Variants in ADGRA2 observed in about 807,000 individuals in gnomAD.
ADGRA2 encodes the protein adhesion G protein-coupled receptor A2.
In ADGRA2, 61 loss-of-function variants were observed where a neutral mutation model predicts 98.7. The ratio of observed to expected loss-of-function variants is 0.62; its 90% CI spans 0.50 to 0.76. ADGRA2 has a LOEUF of 0.76. ADGRA2 is among the 30% of genes least tolerant of loss of function. ADGRA2 has a pLI of 0.00. For synonymous variants in ADGRA2, 858 were observed against 831.5 expected, an observed-to-expected ratio of 1.03 and a Z score of -0.55; for missense variants, 1,712 against 1,860.0, an observed-to-expected ratio of 0.92 and a Z score of 1.46.
Position 37,844,482 on chromosome 8 carries a change from G to T in ADGRA2, c.*2127G>T. 6.2e-7 allele frequency: 1 copy of T among 1,611,056 alleles called. No homozygotes were observed. The highest frequency in any genetic ancestry group is 8.5e-7 in the Non-Finnish European group (1 of 1,178,772). On this transcript the variant is annotated 3_prime_UTR_variant, in exon 19 of 19. Transcript: ENST00000412232. ...AGAACAGGATGAAGTGCTCCCAGTG[G>T]ATATCCATCAGGGAGGGTTAGGGAC...
At chr8:37,798,992 G>A (rs1340642806) in intron 1 of ADGRA2, among the ~76,000 whole-genome samples, 2 of 152,230 alleles carry the variant, frequency 1.3e-5, no homozygotes, top group African/African-American at 2.4e-5. Context: ...GGCAGGCCTG[G>A]GCATTCCCCA....
At position 37,829,620 on chromosome 8, in the gene ADGRA2, A is replaced by G. The variant is rs1334980222; in HGVS notation, c.554+61A>G. The G allele has an allele frequency of 7.1e-5, 88 of 1,232,252 alleles. No individual in the cohort carries two copies. The East Asian group carries it at 2.0e-3, about 28-fold the overall frequency. 76.3% of individuals were successfully genotyped at this position (1,232,252 alleles called of 1,614,324 possible). ...CTGTCCCTTTCTCTGCCCAGGAGAG[A>G]TGTATAAGTATCATGACCACCAGGA... is the stretch of plus-strand genomic sequence containing the variant. On this transcript the variant is annotated intron_variant, in intron 5 of 18. Transcript: ENST00000412232.
In ADGRA2 at chr8:37,834,157, C is replaced by G; in HGVS notation, c.1608+29C>G. On this transcript the variant is annotated intron_variant, in intron 11 of 18. Coordinates refer to ENST00000412232, the MANE Select transcript of ADGRA2 (RefSeq NM_032777.10). This position sits in a 1 kb window ranked among gnomAD's most constrained non-coding sequence, Gnocchi z 4.2. ...ATGGGGGTCAGCAGAGGGGGTGGCC[C>G]TGGCATGCAGAGGAGGGAGGCGCTC... 1 of 1,588,258 alleles carries G rather than the reference C, an allele frequency of 6.3e-7. No individual in the cohort carries two copies.
chr8:37,808,474 T>G (rs1271996510), intron 1 of ADGRA2, among the ~76,000 whole-genome samples: 1 of 152,158 alleles, frequency 6.6e-6, no homozygotes, highest in Non-Finnish European at 1.5e-5. Context: ...CCTCCTTCCC[T>G]GCCCAATTGT....
At chr8:37,813,517 T>TTG (rs1804899604) in intron 1 of ADGRA2, among the ~76,000 whole-genome samples, 1 of 152,046 alleles carries the variant, frequency 6.6e-6, no homozygotes, top group African/African-American at 2.4e-5. Flanking sequence ...GTGTGTGTGT[T>TTG]TGTGTGTGTG....
In ADGRA2 at chr8:37,841,077, C is replaced by T. The variant is rs755704943; in HGVS notation, c.2748-9C>T. ...CCTGTCCTCATCACTGCTTCTGTGTCTCCTACAGCTGCTGGCTGGTGTGGC... is the reference window on the plus strand; with the variant it reads ...CCTGTCCTCATCACTGCTTCTGTGTTTCCTACAGCTGCTGGCTGGTGTGGC... On this transcript the variant is annotated splice_polypyrimidine_tract_variant and intron_variant, in intron 18 of 18. Coordinates refer to ENST00000412232, the MANE Select transcript of ADGRA2 (RefSeq NM_032777.10). The surrounding 1 kb of genome is among the most constrained non-coding windows in gnomAD (Gnocchi z 5.0). 3 of 1,547,354 alleles carry T rather than the reference C, an allele frequency of 1.9e-6. No individual in the cohort carries two copies. The highest frequency in any genetic ancestry group is 3.5e-5 in the Admixed American group (2 of 57,812).
At chr8:37,822,706 T>A (rs575320533) in intron 2 of ADGRA2, among the ~76,000 whole-genome samples, 3 of 152,320 alleles carry the variant, frequency 2.0e-5, no homozygotes, top group South Asian at 2.1e-4. Context: ...ACATTTTATA[T>A]AAATGAAATC....
At chr8:37,819,499 A>G (rs1214918133) in intron 2 of ADGRA2, among the ~76,000 whole-genome samples, 1 of 151,842 alleles carries the variant, frequency 6.6e-6, no homozygotes, top group East Asian at 1.9e-4. Context: ...TTCCCAAGTA[A>G]CTGGGATTAC....
chr8:37,829,808 A>G, intron 5 of ADGRA2, 43 bp from the exon 6 acceptor site: 1 of 1,575,602 alleles, frequency 6.3e-7, no homozygotes, highest in South Asian at 1.2e-5. Flanking sequence ...ATGAGCCCAC[A>G]CTCCCTCTGC....
chr8:37,839,643 TG>T (rs1027646984), intron 16 of ADGRA2, 21 bp downstream of exon 16: 2 of 1,612,514 alleles, frequency 1.2e-6, no homozygotes, highest in Admixed American at 3.3e-5. Context: ...GAAGGGGCTC[TG>T]GGGGTGGTGC....
Position 37,830,684 on chromosome 8 carries a change from C to A in ADGRA2, c.719-26C>A. On this transcript the variant is annotated intron_variant, in intron 6 of 18. Coordinates refer to ENST00000412232, the MANE Select transcript of ADGRA2 (RefSeq NM_032777.10). The surrounding 1 kb of genome is among the most constrained non-coding windows in gnomAD (Gnocchi z 4.8). Reference sequence around the variant, plus strand: ...GCCTCACATGCGTGTGCACTCGGGCCTCACGCCTGGTGTCTCCTCCCACAG... The same window carrying A: ...GCCTCACATGCGTGTGCACTCGGGCATCACGCCTGGTGTCTCCTCCCACAG... The A allele has an allele frequency of 6.5e-7, 1 of 1,539,074 alleles. No homozygotes were observed. Among genetic ancestry groups the A allele is most frequent in the Non-Finnish European group, 8.8e-7 (1 of 1,130,122 alleles).
intron 1 of ADGRA2, among the ~76,000 whole-genome samples, chr8:37,809,736 G>A (rs1047146244): frequency 2.0e-5 from 3 of 152,210 alleles, no homozygotes; most frequent in Non-Finnish European, 4.4e-5. Context: ...CAAACCGGAA[G>A]CGTGGGCTGC....
Position 37,835,360 on chromosome 8 carries a change from G to T in ADGRA2, c.1795G>T (p.Gly599Trp). The T allele has an allele frequency of 6.2e-7, 1 of 1,612,558 alleles. No individual in the cohort carries two copies. Among genetic ancestry groups the T allele is most frequent in the Admixed American group, 1.7e-5 (1 of 60,008 alleles). The change falls in exon 12 of 19, where the codon GGG becomes TGG. Residue 599 changes from glycine to tryptophan, a missense_variant. By Grantham distance (184) the Gly-to-Trp change is radical (BLOSUM62 -2). Transcript: ENST00000412232. ...DQQLRFRCTTGRPNVSLSSFH... is the reference protein window; with the variant it reads ...DQQLRFRCTTWRPNVSLSSFH... ...GCAGCTCCGCTTCCGCTGCACCACC[G>T]GGAGGCCCAATGTTTCTCTGTCGTC...
intron 2 of ADGRA2, among the ~76,000 whole-genome samples, chr8:37,819,299 G>A (rs945194411): frequency 6.6e-6 from 1 of 152,188 alleles, no homozygotes; most frequent in Non-Finnish European, 1.5e-5. Flanking sequence ...GATGGTGCTT[G>A]TTCAGGGCTG....
At chr8:37,801,422 G>A (rs1467216491) in intron 1 of ADGRA2, among the ~76,000 whole-genome samples, 2 of 152,186 alleles carry the variant, frequency 1.3e-5, no homozygotes, top group African/African-American at 4.8e-5. Flanking sequence ...TTATGACAGG[G>A]AGAACCTGGG....
At chr8:37,837,982 G>C in intron 14 of ADGRA2, 43 bp downstream of exon 14, 3 of 1,407,234 alleles carry the variant, frequency 2.1e-6, no homozygotes, top group Non-Finnish European at 2.8e-6. Flanking sequence ...GCAGGGACAC[G>C]GGCTGGGTGG....
intron 15 of ADGRA2, 26 bp from the exon 16 acceptor site, chr8:37,839,473 A>C: frequency 6.2e-7 from 1 of 1,613,636 alleles, no homozygotes; most frequent in Non-Finnish European, 8.5e-7. Flanking sequence ...TTGGACGGCC[A>C]TTAATTCGAG....
At chr8:37,833,911 C>T (rs1423488047) in intron 10 of ADGRA2, 56 bp from the exon 11 acceptor site, 2 of 1,604,928 alleles carry the variant, frequency 1.2e-6, no homozygotes, top group East Asian at 2.2e-5. Flanking sequence ...TCTCTCACTC[C>T]AGCTCCTGGG....
In ADGRA2 at chr8:37,844,864, G is replaced by C; in HGVS notation, c.*2509G>C. On this transcript the variant is annotated 3_prime_UTR_variant, in exon 19 of 19. Coordinates refer to ENST00000412232, the MANE Select transcript of ADGRA2 (RefSeq NM_032777.10). ...CGGTGCTGGAGAAGGTCACCGATGTGCTTCACCACAGACCGTTTGTCAAGT... is the reference window on the plus strand; with the variant it reads ...CGGTGCTGGAGAAGGTCACCGATGTCCTTCACCACAGACCGTTTGTCAAGT... 2 of 1,614,194 alleles carry C rather than the reference G, an allele frequency of 1.2e-6. No homozygotes were observed. Among genetic ancestry groups the C allele is most frequent in the Non-Finnish European group, 1.7e-6 (2 of 1,180,044 alleles).
Sources: allele counts gnomAD v4.1 joint callset (sites outside exome capture counted in the v4.1 genomes callset), GRCh38; gene constraint gnomAD v4.1.1; non-coding constraint Gnocchi (gnomAD v3.1); transcripts MANE v1.5; gene names NCBI Gene and HGNC (gene_info 2026-07-23, HGNC 2026-07-21).